Variants in GRM8 observed in about 807,000 individuals in gnomAD.
The protein encoded by GRM8 is glutamate metabotropic receptor 8.
Under a neutral mutation model 87.2 loss-of-function variants are expected in GRM8, and 47 were observed. The ratio of observed to expected loss-of-function variants is 0.54; its 90% CI spans 0.43 to 0.69. GRM8 has a LOEUF of 0.69. Ranked by LOEUF, GRM8 falls within the 30% of genes least tolerant of loss-of-function variation. The pLI is 0.00. For synonymous variants in GRM8, 396 were observed against 404.5 expected, an observed-to-expected ratio of 0.98 and a Z score of 0.25; for missense variants, 1,019 against 1,139.2, an observed-to-expected ratio of 0.89 and a Z score of 1.52.
At chr7:126,810,804 T>C (rs1399895997) in intron 6 of GRM8, among the ~76,000 whole-genome samples, 1 of 152,138 alleles carries the variant, frequency 6.6e-6, no homozygotes, top group Non-Finnish European at 1.5e-5. Flanking sequence ...CTAATATGAT[T>C]TGTTGGCGGA....
chr7:126,598,670 G>GA (rs200463748), intron 8 of GRM8, among the ~76,000 whole-genome samples: 485 of 141,742 alleles, frequency 3.4e-3, no homozygotes, highest in African/African-American at 0.011. Context: ...AAGTAAAATA[G>GA]AAAAAAAAAA....
At chr7:126,498,504 AGCCCCTT>A (rs1809119321) in intron 9 of GRM8, among the ~76,000 whole-genome samples, 1 of 151,896 alleles carries the variant, frequency 6.6e-6, no homozygotes, top group African/African-American at 2.4e-5. Context: ...TAGCATGGGA[AGCCCCTT>A]GCTGGCATAC....
At chr7:126,618,453 C>G (rs147131879) in intron 7 of GRM8, among the ~76,000 whole-genome samples, 124 of 152,180 alleles carry the variant, frequency 8.1e-4, no homozygotes, top group African/African-American at 2.8e-3. Flanking sequence ...ATACCATTCA[C>G]GACATAGGCA....
chr7:126,946,541 A>G (rs1348373910), intron 3 of GRM8, among the ~76,000 whole-genome samples: 1 of 152,176 alleles, frequency 6.6e-6, no homozygotes, highest in Non-Finnish European at 1.5e-5. Context: ...GTCAAAAGAA[A>G]GGAAAGAAAG....
intron 3 of GRM8, among the ~76,000 whole-genome samples, chr7:126,961,544 T>C (rs1226985994): frequency 6.6e-6 from 1 of 152,228 alleles, no homozygotes; most frequent in East Asian, 1.9e-4. Context: ...GTCAGCACCA[T>C]GGGATCCTAC....
At chr7:127,156,267 CA>C (rs1292418261) in intron 2 of GRM8, among the ~76,000 whole-genome samples, 3 of 152,092 alleles carry the variant, frequency 2.0e-5, no homozygotes, top group Non-Finnish European at 4.4e-5. Flanking sequence ...AGAATAGCAG[CA>C]CCAGCCCACC....
intron 2 of GRM8, among the ~76,000 whole-genome samples, chr7:127,239,920 T>C (rs542719637): frequency 6.6e-6 from 1 of 152,376 alleles, no homozygotes; most frequent in African/African-American, 2.4e-5. Context: ...ACTTGGTTAA[T>C]AACTAGATTT....
chr7:126,734,657 T>C (rs1238692652), intron 7 of GRM8, among the ~76,000 whole-genome samples: 16 of 151,948 alleles, frequency 1.1e-4, no homozygotes, highest in Admixed American at 1.1e-3. Context: ...ATGAATTCAA[T>C]GTTTCATTAT....
chr7:126,777,005 T>C (rs1819550467), intron 6 of GRM8, among the ~76,000 whole-genome samples: 1 of 152,174 alleles, frequency 6.6e-6, no homozygotes, highest in Non-Finnish European at 1.5e-5. Context: ...GTAACTGGGC[T>C]ACTGCTGAGA....
At chr7:126,802,221 T>C (rs1822789609) in intron 6 of GRM8, among the ~76,000 whole-genome samples, 2 of 152,164 alleles carry the variant, frequency 1.3e-5, no homozygotes, top group African/African-American at 4.8e-5. Context: ...TCTTGGCAAT[T>C]TTCTAGTATA....
chr7:127,127,169 T>C (rs905035867), intron 2 of GRM8, among the ~76,000 whole-genome samples: 1 of 151,902 alleles, frequency 6.6e-6, no homozygotes. Context: ...CAGATATATA[T>C]ATCCCTTATG....
At chr7:127,214,314 A>G (rs540666325) in intron 2 of GRM8, among the ~76,000 whole-genome samples, 1 of 152,348 alleles carries the variant, frequency 6.6e-6, no homozygotes, top group South Asian at 2.1e-4. Context: ...AATACTGGTT[A>G]CATAGTACAT....
At chr7:126,955,772 G>A (rs779419512) in intron 3 of GRM8, among the ~76,000 whole-genome samples, 1 of 152,082 alleles carries the variant, frequency 6.6e-6, no homozygotes, top group Non-Finnish European at 1.5e-5. Context: ...GCATTACAGT[G>A]CTGCTTAATT....
At chr7:126,711,197 T>C (rs1434466825) in intron 7 of GRM8, among the ~76,000 whole-genome samples, 1 of 152,128 alleles carries the variant, frequency 6.6e-6, no homozygotes, top group Non-Finnish European at 1.5e-5. Flanking sequence ...AAATAAAATA[T>C]ATTTCTTAAA....
At chr7:127,139,279 C>G (rs1442501914) in intron 2 of GRM8, among the ~76,000 whole-genome samples, 1 of 152,062 alleles carries the variant, frequency 6.6e-6, no homozygotes, top group Non-Finnish European at 1.5e-5. Context: ...CCTCACATAC[C>G]TATTGAGGGC....
chr7:126,869,318 T>C (rs151026439), intron 6 of GRM8: 4 of 152,326 alleles, frequency 2.6e-5, no homozygotes, highest in Admixed American at 2.6e-4. Flanking sequence ...ATGAAATCAA[T>C]TTCTTTTAAG....
chr7:126,466,688 G>A (rs758612615), intron 9 of GRM8, among the ~76,000 whole-genome samples: 6 of 151,740 alleles, frequency 4.0e-5, no homozygotes, highest in Admixed American at 2.0e-4. Context: ...AAAATCAGAC[G>A]CCCCAGCTCA....
chr7:126,554,744 A>C (rs138685939), intron 8 of GRM8, among the ~76,000 whole-genome samples: 1 of 152,302 alleles, frequency 6.6e-6, no homozygotes, highest in East Asian at 1.9e-4. Context: ...AGTTTTCAGA[A>C]ATAGTTTTTC....
chr7:126,791,877 T>G (rs968913743), intron 6 of GRM8, among the ~76,000 whole-genome samples: 1 of 152,108 alleles, frequency 6.6e-6, no homozygotes, highest in Non-Finnish European at 1.5e-5. Flanking sequence ...GATGGAGAAA[T>G]GGAGACAGAT....
Sources: allele counts gnomAD v4.1 joint callset (sites outside exome capture counted in the v4.1 genomes callset), GRCh38; gene constraint gnomAD v4.1.1; transcripts MANE v1.5; gene names NCBI Gene and HGNC (gene_info 2026-07-23, HGNC 2026-07-21).